The following HDAC9 variants were observed in gnomAD, a reference collection of about 807,000 sequenced individuals.
HDAC9 encodes MEF-2 interacting transcription repressor (MITR) protein.
In HDAC9, 41 loss-of-function variants were observed where a neutral mutation model predicts 139.4. That is an observed-to-expected ratio of 0.29 (90% CI 0.23 to 0.38). HDAC9 has a LOEUF of 0.38. Among genes scored for constraint, HDAC9 ranks in the 10% least tolerant of loss-of-function variants. The pLI is 1.00. For missense variants in HDAC9, 1,147 were observed against 1,297.0 expected (o/e 0.88, Z 1.78); for synonymous variants, 517 against 476.2 (o/e 1.09, Z -1.12).
intron 13 of HDAC9, among the ~76,000 whole-genome samples, chr7:18,741,634 C>CT (rs1294725898): frequency 6.8e-6 from 1 of 146,414 alleles, no homozygotes; most frequent in African/African-American, 2.5e-5. Context: ...ATCAAGGAGT[C>CT]TTTTAAATTT....
At chr7:18,437,944 T>TACAC (rs574736728) in intron 1 of HDAC9, among the ~76,000 whole-genome samples, 28 of 148,658 alleles carry the variant, frequency 1.9e-4, no homozygotes, top group African/African-American at 3.4e-4. Flanking sequence ...TATATAACGT[T>TACAC]ACACACACAC....
intron 1 of HDAC9, among the ~76,000 whole-genome samples, chr7:18,299,870 A>G (rs1307332188): frequency 2.0e-5 from 3 of 152,170 alleles, no homozygotes; most frequent in Non-Finnish European, 4.4e-5. Flanking sequence ...CCTCTTCTTG[A>G]TTCCAGGGAG....
intron 1 of HDAC9, among the ~76,000 whole-genome samples, chr7:18,393,956 T>C (rs1357215331): frequency 6.6e-6 from 1 of 152,202 alleles, no homozygotes; most frequent in Admixed American, 6.5e-5. Flanking sequence ...CATAGACATG[T>C]CTCAGTGAAG....
chr7:18,170,331 G>T (rs1265518939), intron 2 of HDAC9, among the ~76,000 whole-genome samples: 3 of 151,986 alleles, frequency 2.0e-5, no homozygotes, highest in Non-Finnish European at 4.4e-5. Flanking sequence ...TTGTAAATGT[G>T]TTTAAATTCT....
intron 25 of HDAC9, among the ~76,000 whole-genome samples, chr7:18,977,919 G>GAGACAC (rs1784647206): frequency 7.1e-6 from 1 of 140,930 alleles, no homozygotes; most frequent in Non-Finnish European, 1.5e-5. Flanking sequence ...CAGACAGACA[G>GAGACAC]ACACACACAC....
At chr7:18,286,106 C>A (rs1028061930), upstream of HDAC9, among the ~76,000 whole-genome samples, 3 of 152,030 alleles carry the variant, frequency 2.0e-5, no homozygotes, top group African/African-American at 7.2e-5. Context: ...ACTGTATAAT[C>A]TTCTGATTCT....
chr7:18,655,725 G>A (rs1260018049), intron 11 of HDAC9, among the ~76,000 whole-genome samples: 3 of 152,140 alleles, frequency 2.0e-5, no homozygotes, highest in Non-Finnish European at 2.9e-5. Flanking sequence ...CCAAGGGAAG[G>A]GACCTAGACC....
chr7:18,302,869 A>G (rs962770470), intron 1 of HDAC9, among the ~76,000 whole-genome samples: 6 of 152,148 alleles, frequency 3.9e-5, no homozygotes, highest in African/African-American at 1.2e-4. Context: ...TATTTCTGTG[A>G]TCTTCTTTTT....
intron 2 of HDAC9, among the ~76,000 whole-genome samples, chr7:18,176,793 G>C (rs1270418289): frequency 2.0e-5 from 3 of 151,938 alleles, no homozygotes; most frequent in African/African-American, 7.3e-5. Flanking sequence ...TTATCCTTTT[G>C]TCTGTATTAT....
chr7:18,180,263 A>ACACACCCCCCCCC (rs751720529), intron 2 of HDAC9, among the ~76,000 whole-genome samples: 5 of 149,542 alleles, frequency 3.3e-5, no homozygotes, highest in African/African-American at 1.2e-4. Context: ...ACACACACAC[A>ACACACCCCCCCCC]CACACACACA....
chr7:18,295,990 C>G (rs1798117751), intron 1 of HDAC9, among the ~76,000 whole-genome samples: 1 of 152,160 alleles, frequency 6.6e-6, no homozygotes, highest in Non-Finnish European at 1.5e-5. Context: ...TAGATCTTCA[C>G]TAGAATTTTT....
chr7:18,623,647 A>G (rs781475295), intron 6 of HDAC9, among the ~76,000 whole-genome samples: 5 of 152,186 alleles, frequency 3.3e-5, no homozygotes, highest in Non-Finnish European at 5.9e-5. Flanking sequence ...AGTACATCAA[A>G]GAGTTAGCAT....
chr7:18,413,025 T>G (rs1788720108), intron 1 of HDAC9, among the ~76,000 whole-genome samples: 1 of 152,176 alleles, frequency 6.6e-6, no homozygotes, highest in South Asian at 2.1e-4. Context: ...TTAAAAATGT[T>G]TTAGCTTAAG....
chr7:18,260,256 T>A (rs1389156682), intron 2 of HDAC9, among the ~76,000 whole-genome samples: 1 of 151,850 alleles, frequency 6.6e-6, no homozygotes, highest in Non-Finnish European at 1.5e-5. Flanking sequence ...TTAGTATTGC[T>A]GTTGAGAGGG....
intron 17 of HDAC9, among the ~76,000 whole-genome samples, chr7:18,824,224 C>A (rs116747554): frequency 0.013 from 1,978 of 152,212 alleles, 46 homozygotes; most frequent in African/African-American, 0.045. Flanking sequence ...CACCAGGGAA[C>A]AAACCCTGCT....
intron 2 of HDAC9, among the ~76,000 whole-genome samples, chr7:18,197,553 A>G (rs1157138865): frequency 6.6e-6 from 1 of 152,188 alleles, no homozygotes; most frequent in East Asian, 1.9e-4. Context: ...ACGTGACAGA[A>G]CAGAGTTCAC....
chr7:18,687,071 T>G (rs996113161), intron 12 of HDAC9, among the ~76,000 whole-genome samples: 1 of 151,830 alleles, frequency 6.6e-6, no homozygotes, highest in Non-Finnish European at 1.5e-5. Flanking sequence ...TATAATTGTT[T>G]AAAGTCTGAA....
At chr7:18,110,358 A>G (rs1783530191) in intron 1 of HDAC9, among the ~76,000 whole-genome samples, 1 of 152,242 alleles carries the variant, frequency 6.6e-6, no homozygotes, top group Non-Finnish European at 1.5e-5. Context: ...ACAGAGTGTT[A>G]TCAAAGTACA....
intron 2 of HDAC9, among the ~76,000 whole-genome samples, chr7:18,175,105 G>A (rs773616330): frequency 6.6e-6 from 1 of 152,182 alleles, no homozygotes; most frequent in African/African-American, 2.4e-5. Context: ...GCTGTGGTGG[G>A]CTCCACCTAA....
Sources: gnomAD v4.1 joint callset for allele counts (sites outside exome capture counted in the v4.1 genomes callset) on GRCh38, gnomAD v4.1.1 for gene constraint, MANE v1.5 for transcripts, NCBI Gene and HGNC (gene_info 2026-07-23, HGNC 2026-07-21) for gene names.